Variants in UBAP2L observed in about 807,000 individuals in gnomAD.
UBAP2L encodes ubiquitin associated protein 2 like, also known as ubiquitin-associated protein 2-like.
UBAP2L carries 12 observed loss-of-function variants against 130.6 expected under a neutral mutation model. The ratio of observed to expected loss-of-function variants is 0.09; its 90% confidence interval spans 0.06 to 0.15. The LOEUF (loss-of-function observed/expected upper bound fraction) is 0.15. Ranked by LOEUF, UBAP2L falls within the 10% of genes least tolerant of loss-of-function variation. The pLI, the probability that UBAP2L is intolerant of heterozygous loss-of-function variation, is 1.00. For missense variants in UBAP2L, 965 were observed against 1,332.5 expected, an observed-to-expected ratio of 0.72 and a Z score of 4.29; for synonymous variants, 503 against 524.7, an observed-to-expected ratio of 0.96 and a Z score of 0.57.
chr1:154,269,583 C>A, intron 26 of UBAP2L: 1 of 398,996 alleles, frequency 2.5e-6, no homozygotes. Flanking sequence ...CTCCCCTCCC[C>A]AACACCCTCT....
chr1:154,261,731 T>C, intron 24 of UBAP2L, 34 bp downstream of exon 24: 1 of 1,601,882 alleles, frequency 6.2e-7, no homozygotes, highest in Non-Finnish European at 8.6e-7. Context: ...CGGTGTTATC[T>C]GTGGGGTGTT....
rs186249674 is a variant in UBAP2L, at chr1:154,232,245, A to G, written c.280-2346A>G. ...AGGCTGAGGCAGGAGAATCACTTCAACCTGGGAGGCGGAGGTTGCAGTGAG... is the reference window on the plus strand; with the variant it reads ...AGGCTGAGGCAGGAGAATCACTTCAGCCTGGGAGGCGGAGGTTGCAGTGAG... On this transcript the variant is annotated intron_variant, in intron 4 of 26. Transcript: ENST00000428931. 3.2e-3 allele frequency among the ~76,000 whole-genome samples: 483 copies of G among 151,882 alleles called. 4 individuals are homozygous for G. Among genetic ancestry groups the G allele is most frequent in the Admixed American group, 7.3e-3 (111 of 15,218 alleles).
chr1:154,231,916 A>G (rs983046851), intron 4 of UBAP2L, among the ~76,000 whole-genome samples: 2 of 152,324 alleles, frequency 1.3e-5, no homozygotes, highest in South Asian at 4.1e-4. Flanking sequence ...ACTATTATCA[A>G]TCCTGATAAG....
Position 154,251,120 on chromosome 1 carries a change from G to A in UBAP2L, c.1293G>A (p.Met431Ile), listed in dbSNP as rs1160094767. The A allele has an allele frequency of 1.9e-6, 3 of 1,614,030 alleles. No individual in the cohort carries two copies. In the African/African-American group the frequency reaches 4.0e-5, roughly 22 times the overall value. Residue 431 changes from methionine (M) to isoleucine (I), a missense_variant, in exon 13 of 27, where the codon ATG becomes ATA. By Grantham distance (10) the Met-to-Ile change is conservative. This residue lies in a region of UBAP2L where 74 missense variants were observed against 97.1 expected (regional missense o/e 0.76). Coordinates refer to ENST00000428931, the MANE Select transcript of UBAP2L (RefSeq NM_014847.4). Reference sequence around the variant, plus strand: ...CTTTTACCCCATCTTCAACCATGATGGAGGTGTTCCTTCAGGAGAAGTCAC... The same window carrying A: ...CTTTTACCCCATCTTCAACCATGATAGAGGTGTTCCTTCAGGAGAAGTCAC... ...RQAFTPSSTM[M>I]EVFLQEKSPA...
rs757098945 is a variant in UBAP2L, at chr1:154,251,016, T to C, written c.1214-25T>C. 1.9e-6 allele frequency: 3 copies of C among 1,588,270 alleles called. No homozygotes were observed. In the South Asian group the frequency reaches 3.4e-5, roughly 18 times the overall value. On this transcript the variant is annotated intron_variant, in intron 12 of 26. Coordinates refer to ENST00000428931, the MANE Select transcript of UBAP2L (RefSeq NM_014847.4). ...TTGAGATTCATTAGCATCTCTGGCT[T>C]CATATACTGGGTTTCCTCTTGCAGA...
Position 154,261,115 on chromosome 1 carries a change from T to TACC in UBAP2L, c.2796+7_2796+9dup. Reference sequence around the variant, plus strand: ...ATGGGCCTGCTGTGTTCCCTGTGAGTACCTGGCTTTGGTCACTCCTTGTGG... The same window carrying TACC: ...ATGGGCCTGCTGTGTTCCCTGTGAGTACCACCTGGCTTTGGTCACTCCTTGTGG... On this transcript the variant is annotated splice_region_variant and intron_variant, in intron 23 of 26. Coordinates refer to ENST00000428931, the MANE Select transcript of UBAP2L (RefSeq NM_014847.4). The TACC allele has an allele frequency of 6.2e-7, 1 of 1,612,876 alleles. No individual in the cohort carries two copies. The highest frequency in any genetic ancestry group is 8.5e-7 in the Non-Finnish European group (1 of 1,179,190).
At chr1:154,241,387 C>T (rs992288113) in intron 8 of UBAP2L, 126 bp from the exon 9 acceptor site, 1 of 827,752 alleles carries the variant, frequency 1.2e-6, no homozygotes, top group Admixed American at 2.2e-5. Flanking sequence ...CACACCTGGC[C>T]TTCTGATTAC....
chr1:154,226,259 A>C (rs1384343219), intron 2 of UBAP2L, among the ~76,000 whole-genome samples: 1 of 152,134 alleles, frequency 6.6e-6, no homozygotes, highest in Non-Finnish European at 1.5e-5. Context: ...TGGCAACTTC[A>C]CTATGTTTCT....
intron 2 of UBAP2L, among the ~76,000 whole-genome samples, chr1:154,225,778 A>G (rs1558113846): frequency 6.6e-6 from 1 of 152,146 alleles, no homozygotes; most frequent in African/African-American, 2.4e-5. Flanking sequence ...CCATTTTAGC[A>G]ATACCTTTCT....
At chr1:154,230,078 C>T (rs960292878) in intron 4 of UBAP2L, among the ~76,000 whole-genome samples, 3 of 152,066 alleles carry the variant, frequency 2.0e-5, no homozygotes, top group Admixed American at 6.6e-5. Context: ...TACATCTCGG[C>T]TCACTGCAAA....
chr1:154,236,897 C>A, intron 7 of UBAP2L, 127 bp from the exon 8 acceptor site: 1 of 737,328 alleles, frequency 1.4e-6, no homozygotes, highest in Non-Finnish European at 2.2e-6. Context: ...AGATGACACA[C>A]AGGATTATAG....
In UBAP2L at chr1:154,257,484, C is replaced by G. The variant is rs773801530; in HGVS notation, c.2442+50C>G. 2.3e-5 allele frequency: 37 copies of G among 1,599,738 alleles called. No individual in the cohort carries two copies. In the Admixed American group the frequency reaches 6.2e-4, roughly 27 times the overall value. On this transcript the variant is annotated intron_variant, in intron 20 of 26. Coordinates refer to ENST00000428931, the MANE Select transcript of UBAP2L (RefSeq NM_014847.4). ...TCAAAAGGTGAGGATGTTGTGGCTA[C>G]TCTTTTTATAGCTCTGGCTTCAGAT...
intron 22 of UBAP2L, 63 bp from the exon 23 acceptor site, chr1:154,260,829 G>A (rs1359776099): frequency 6.8e-7 from 1 of 1,474,902 alleles, no homozygotes; most frequent in African/African-American, 1.4e-5. Context: ...GAAATCAGAA[G>A]AGGTAATTCT....
Position 154,249,285 on chromosome 1 carries a change from G to A in UBAP2L, c.1061G>A (p.Gly354Asp). The A allele has an allele frequency of 1.2e-6, 2 of 1,614,126 alleles. No homozygotes were observed. The highest frequency in any genetic ancestry group is 1.7e-6 in the Non-Finnish European group (2 of 1,180,022). Residue 354 changes from glycine to aspartate, a missense_variant, in exon 12 of 27, where the codon GGC (glycine) becomes GAC (aspartate). Physicochemically the swap from Gly to Asp is moderately conservative, Grantham distance 94. Around this residue, in one of 9 missense-constraint regions of UBAP2L, gnomAD observed 99 missense variants for 106.4 expected, o/e 0.93. Transcript: ENST00000428931. ...TTTGGTGATGTCGGTGAAGCTAAAG[G>A]CGGCAGTACTACAGGCTCCCAGTTC... ...KGFGDVGEAK[G>D]GSTTGSQFLE...
intron 20 of UBAP2L, chr1:154,257,828 ATG>A (rs145432659): frequency 3.6e-5 from 8 of 224,974 alleles, no homozygotes; most frequent in Middle Eastern, 1.8e-3. Context: ...ACATGTATGC[ATG>A]TGTGTGTGTG....
chr1:154,255,385 G>A, intron 17 of UBAP2L, 59 bp downstream of exon 17: 3 of 1,585,900 alleles, frequency 1.9e-6, no homozygotes, highest in African/African-American at 1.3e-5. Flanking sequence ...GAGCTCTCTG[G>A]TCCTTATTAC....
intron 14 of UBAP2L, 98 bp downstream of exon 14, chr1:154,251,751 T>G (rs1677672868): frequency 7.4e-7 from 1 of 1,352,374 alleles, no homozygotes; most frequent in African/African-American, 1.5e-5. Flanking sequence ...CAAGCCCCTC[T>G]GCATGGCTGA....
chr1:154,244,522 A>G (rs1281348093), intron 10 of UBAP2L, among the ~76,000 whole-genome samples: 1 of 151,894 alleles, frequency 6.6e-6, no homozygotes, highest in Non-Finnish European at 1.5e-5. Context: ...ACAGGCATGC[A>G]CCACTATACC....
chr1:154,248,964 T>G (rs1676585043), intron 11 of UBAP2L, among the ~76,000 whole-genome samples: 1 of 152,242 alleles, frequency 6.6e-6, no homozygotes, highest in South Asian at 2.1e-4. Flanking sequence ...TGCTTTAATT[T>G]ATTTAATCCT....
Sources: allele counts gnomAD v4.1 joint callset (sites outside exome capture counted in the v4.1 genomes callset), GRCh38; gene constraint gnomAD v4.1.1; regional missense constraint gnomAD v4.1.1; transcripts MANE v1.5; gene names NCBI Gene and HGNC (gene_info 2026-07-23, HGNC 2026-07-21).